The following UGT1A8 variants were observed in gnomAD, a reference collection of about 807,000 sequenced individuals.
UGT1A8 encodes the protein UDP-glucuronosyltransferase 1A8.
Under a neutral mutation model 45.3 loss-of-function variants are expected in UGT1A8, and 39 were observed. The observed-to-expected ratio is 0.86, with a 90% CI of 0.67 to 1.12. UGT1A8 has a LOEUF of 1.12. Ranked by LOEUF, UGT1A8 falls within the 50% of genes most tolerant of loss-of-function variation. UGT1A8 has a pLI of 0.00. For missense variants in UGT1A8, 719 were observed against 664.9 expected (o/e 1.08, Z -0.90); for synonymous variants, 275 against 249.2 (o/e 1.10, Z -0.97).
intron 1 of UGT1A8, among the ~76,000 whole-genome samples, chr2:233,764,945 G>GA (rs2126013513): frequency 6.6e-6 from 1 of 152,312 alleles, no homozygotes; most frequent in Non-Finnish European, 1.5e-5. Context: ...GAGTGGCGGG[G>GA]AGAGAGGGCT....
At chr2:233,726,786 A>G (rs1000818718) in intron 1 of UGT1A8, among the ~76,000 whole-genome samples, 1 of 152,242 alleles carries the variant, frequency 6.6e-6, no homozygotes, top group Non-Finnish European at 1.5e-5. Context: ...TGAAACCCAC[A>G]TCTTATTCAA....
At chr2:233,757,679 A>C (rs1462473576) in intron 1 of UGT1A8, among the ~76,000 whole-genome samples, 1 of 151,534 alleles carries the variant, frequency 6.6e-6, no homozygotes, top group African/African-American at 2.4e-5. Context: ...CAAGGAATTC[A>C]AGGGATTCAA....
intron 1 of UGT1A8, among the ~76,000 whole-genome samples, chr2:233,652,876 G>C (rs184232435): frequency 6.6e-6 from 1 of 152,232 alleles, no homozygotes; most frequent in African/African-American, 2.4e-5. Flanking sequence ...AACATTTGGG[G>C]AAGTATTTAT....
chr2:233,661,682 T>TCTTTC (rs1559329471), intron 1 of UGT1A8, among the ~76,000 whole-genome samples: 2 of 150,250 alleles, frequency 1.3e-5, no homozygotes, highest in Non-Finnish European at 1.5e-5. Flanking sequence ...TTTCTTTCTT[T>TCTTTC]TTAAACAAAG....
chr2:233,707,090 G>A (rs2075940449), intron 1 of UGT1A8, among the ~76,000 whole-genome samples: 1 of 152,098 alleles, frequency 6.6e-6, no homozygotes, highest in African/African-American at 2.4e-5. Flanking sequence ...CACTTTGCAT[G>A]GCAGCTGAGG....
chr2:233,636,499 G>A, intron 1 of UGT1A8: 1 of 1,599,096 alleles, frequency 6.3e-7, no homozygotes, highest in Non-Finnish European at 8.5e-7. Flanking sequence ...AATCCCAGCT[G>A]CTGGCTCGGG....
chr2:233,631,229 C>A (rs1394501618), intron 1 of UGT1A8, among the ~76,000 whole-genome samples: 1 of 152,126 alleles, frequency 6.6e-6, no homozygotes, highest in African/African-American at 2.4e-5. Context: ...TTTTCTTTAT[C>A]CAGGCTATCA....
chr2:233,655,931 A>G (rs965632901), intron 1 of UGT1A8, among the ~76,000 whole-genome samples: 1 of 152,188 alleles, frequency 6.6e-6, no homozygotes, highest in Non-Finnish European at 1.5e-5. Context: ...CTGAAAAATT[A>G]CAGAATTATA....
chr2:233,666,827 G>A (rs2074087506), intron 1 of UGT1A8, among the ~76,000 whole-genome samples: 1 of 134,760 alleles, frequency 7.4e-6, no homozygotes. Context: ...AGGCCCTGGT[G>A]TGTGATGTTC....
intron 1 of UGT1A8, among the ~76,000 whole-genome samples, chr2:233,633,731 C>T (rs575097607): frequency 1.3e-5 from 2 of 152,148 alleles, no homozygotes; most frequent in Admixed American, 1.3e-4. Flanking sequence ...AGTGGTCTAT[C>T]TATTTTGTTA....
intron 1 of UGT1A8, chr2:233,718,998 G>A: frequency 1.9e-6 from 3 of 1,614,266 alleles, no homozygotes; most frequent in Non-Finnish European, 2.5e-6. Flanking sequence ...CCAGGCGGTG[G>A]TCCTCACCCC....
chr2:233,717,384 C>T (rs1271366561), intron 1 of UGT1A8, among the ~76,000 whole-genome samples: 1 of 152,240 alleles, frequency 6.6e-6, no homozygotes, highest in Non-Finnish European at 1.5e-5. Context: ...CAGACCTGCC[C>T]TCTCTGTGCC....
intron 1 of UGT1A8, chr2:233,690,539 A>G (rs1032041279): frequency 1.6e-6 from 2 of 1,289,530 alleles, no homozygotes; most frequent in Admixed American, 4.6e-5. Context: ...CTTTCACCCC[A>G]CTGGAATATG....
intron 1 of UGT1A8, among the ~76,000 whole-genome samples, chr2:233,647,445 T>C (rs1239513580): frequency 6.6e-6 from 1 of 152,220 alleles, no homozygotes; most frequent in East Asian, 1.9e-4. Flanking sequence ...CCGGACTAGA[T>C]TGTGAGAAAT....
intron 1 of UGT1A8, among the ~76,000 whole-genome samples, chr2:233,630,346 C>T (rs1387417050): frequency 1.3e-5 from 2 of 152,152 alleles, no homozygotes; most frequent in South Asian, 2.1e-4. Flanking sequence ...CCGAGGTTGT[C>T]TGCAGAATCT....
At chr2:233,620,301 G>A (rs190771060) in intron 1 of UGT1A8, among the ~76,000 whole-genome samples, 3 of 152,298 alleles carry the variant, frequency 2.0e-5, no homozygotes, top group South Asian at 2.1e-4. Flanking sequence ...GAGGTTGGAC[G>A]TATCAAAGCA....
chr2:233,703,466 A>G (rs2075740155), intron 1 of UGT1A8, among the ~76,000 whole-genome samples: 1 of 151,304 alleles, frequency 6.6e-6, no homozygotes, highest in African/African-American at 2.4e-5. Context: ...TCTATTCTTT[A>G]TTATTTTCTG....
chr2:233,762,967 G>A (rs568860226), intron 1 of UGT1A8, among the ~76,000 whole-genome samples: 7 of 152,218 alleles, frequency 4.6e-5, no homozygotes, highest in Admixed American at 6.5e-5. Context: ...AAAGATGCCC[G>A]TCTTGCTGCT....
chr2:233,714,763 T>C (rs2076410603), intron 1 of UGT1A8, among the ~76,000 whole-genome samples: 1 of 152,268 alleles, frequency 6.6e-6, no homozygotes, highest in African/African-American at 2.4e-5. Flanking sequence ...ACTTACAGTA[T>C]ATCTCAATTT....
Sources: gnomAD v4.1 joint callset for allele counts (sites outside exome capture counted in the v4.1 genomes callset) on GRCh38, gnomAD v4.1.1 for gene constraint, MANE v1.5 for transcripts, NCBI Gene and HGNC (gene_info 2026-07-23, HGNC 2026-07-21) for gene names.